The following SREBF2 variants were observed in gnomAD, a reference collection of about 807,000 sequenced individuals.
SREBF2 encodes the protein sterol regulatory element-binding protein 2.
Under a neutral mutation model 113.1 loss-of-function variants are expected in SREBF2, and 55 were observed. That is an observed-to-expected ratio of 0.49 (90% CI 0.39 to 0.61). The LOEUF (loss-of-function observed/expected upper bound fraction) is 0.61. Ranked by LOEUF, SREBF2 falls within the 20% of genes least tolerant of loss-of-function variation. The pLI, the probability that SREBF2 is intolerant of heterozygous loss-of-function variation, is 0.00. For missense variants in SREBF2, 1,349 were observed against 1,487.4 expected (o/e 0.91, Z 1.53); for synonymous variants, 593 against 605.7 (o/e 0.98, Z 0.31).
intron 5 of SREBF2, among the ~76,000 whole-genome samples, chr22:41,875,004 T>G: frequency 1.3e-5 from 2 of 152,238 alleles, no homozygotes; most frequent in East Asian, 3.8e-4. Context: ...AGGATTATTA[T>G]AAGAAGTGGG....
intron 11 of SREBF2, among the ~76,000 whole-genome samples, chr22:41,886,527 CATTTT>C (rs2077300566): frequency 6.6e-6 from 1 of 152,184 alleles, no homozygotes; most frequent in South Asian, 2.1e-4. Flanking sequence ...AAAATGCCCA[CATTTT>C]AACTTACGGC....
chr22:41,866,741 C>A, intron 1 of SREBF2, 90 bp from the exon 2 acceptor site: 1 of 1,451,188 alleles, frequency 6.9e-7, no homozygotes, highest in South Asian at 1.1e-5. Context: ...TTAGGAAAGT[C>A]ATTGAGTTTT....
intron 1 of SREBF2, among the ~76,000 whole-genome samples, chr22:41,835,609 C>G (rs551949921): frequency 6.6e-6 from 1 of 150,966 alleles, no homozygotes; most frequent in Non-Finnish European, 1.5e-5. Context: ...TGTACCTGGC[C>G]GAGCCACCGT....
At chr22:41,857,997 A>G (rs919590727) in intron 1 of SREBF2, among the ~76,000 whole-genome samples, 4 of 152,190 alleles carry the variant, frequency 2.6e-5, no homozygotes, top group African/African-American at 7.2e-5. Flanking sequence ...AGTAGAATGG[A>G]GAAATGGTTA....
chr22:41,901,489 C>T (rs1160127334), intron 16 of SREBF2, among the ~76,000 whole-genome samples: 3 of 152,158 alleles, frequency 2.0e-5, no homozygotes, highest in Admixed American at 6.5e-5. Flanking sequence ...GGTGAAACCC[C>T]GTTTGTACTA....
chr22:41,840,087 T>C (rs181476555), intron 1 of SREBF2, among the ~76,000 whole-genome samples: 79 of 151,590 alleles, frequency 5.2e-4, no homozygotes, highest in African/African-American at 1.8e-3. Flanking sequence ...GCCTCCCAAG[T>C]AGCTGGGATT....
rs375617199 is a variant in SREBF2, at chr22:41,878,117, C to T, written c.1755C>T (p.Leu585=). Residue 585 remains leucine (L), a synonymous_variant, in exon 9 of 19, where the codon CTC becomes CTT. Transcript: ENST00000361204. ...WRHRKQADLD[L]ARGDFAAAAG... ...ACCGGAAACAGGCAGATCTGGATCT[C>T]GCCAGAGTGAGTTCTGTGTCCGCCC... is the stretch of plus-strand genomic sequence containing the variant. The T allele has an allele frequency of 1.5e-5, 24 of 1,614,018 alleles. No homozygotes were observed. The South Asian group carries it at 2.2e-4, about 15-fold the overall frequency.
At chr22:41,852,728 ATTTTTTTTTTTTT>A (rs544824099) in intron 1 of SREBF2, among the ~76,000 whole-genome samples, 94 of 40,410 alleles carry the variant, frequency 2.3e-3, no homozygotes, top group African/African-American at 7.3e-3. Flanking sequence ...TCTCAGAATG[ATTTTTTTTTTTTT>A]TTTTTTTTTT....
chr22:41,834,236 C>T (rs1426006194), intron 1 of SREBF2, among the ~76,000 whole-genome samples: 4 of 151,986 alleles, frequency 2.6e-5, no homozygotes, highest in Non-Finnish European at 5.9e-5. Context: ...TTTTTTATAC[C>T]CCTCCTTTCA....
At chr22:41,900,903 T>G (rs568715866) in intron 16 of SREBF2, 11 of 530,560 alleles carry the variant, frequency 2.1e-5, no homozygotes, top group Non-Finnish European at 3.8e-5. Context: ...AAGACCACCC[T>G]GGGCACCTCC....
At chr22:41,851,085 A>G (rs1408725502) in intron 1 of SREBF2, among the ~76,000 whole-genome samples, 1 of 152,158 alleles carries the variant, frequency 6.6e-6, no homozygotes, top group African/African-American at 2.4e-5. Flanking sequence ...CTCAGGGTTG[A>G]TATAACGTAC....
In SREBF2 at chr22:41,844,688, G is replaced by C. The variant is rs2076861312; in HGVS notation, c.88+11330G>C. Among the ~76,000 whole-genome samples the C allele has an allele frequency of 4.6e-5, 7 of 152,160 alleles. No homozygotes were observed. In the South Asian group the frequency reaches 1.2e-3, roughly 27 times the overall value. ...CTCCTCCACGTGGCCCTGTGGAACA[G>C]GTCTGTTGGGTTCAGGATCTAGTTT... is the stretch of plus-strand genomic sequence containing the variant. On this transcript the variant is annotated intron_variant, in intron 1 of 18. Coordinates refer to ENST00000361204, the MANE Select transcript of SREBF2 (RefSeq NM_004599.4).
chr22:41,864,080 T>C (rs1010614821), intron 1 of SREBF2, among the ~76,000 whole-genome samples: 29 of 150,086 alleles, frequency 1.9e-4, no homozygotes, highest in Non-Finnish European at 4.1e-4. Context: ...GTTTTCACCA[T>C]GTTTGTCAGG....
chr22:41,902,543 G>A (rs1471512668), intron 16 of SREBF2, among the ~76,000 whole-genome samples: 2 of 152,020 alleles, frequency 1.3e-5, no homozygotes, highest in East Asian at 1.9e-4. Flanking sequence ...CAGCCCCATC[G>A]ACAGGCTCTG....
chr22:41,838,050 A>G (rs2076795814), intron 1 of SREBF2, among the ~76,000 whole-genome samples: 1 of 151,966 alleles, frequency 6.6e-6, no homozygotes, highest in Non-Finnish European at 1.5e-5. Flanking sequence ...CTACCATTTC[A>G]TTTTGTGTTA....
At chr22:41,874,513 T>G (rs1164467052) in intron 5 of SREBF2, among the ~76,000 whole-genome samples, 2 of 152,264 alleles carry the variant, frequency 1.3e-5, no homozygotes, top group Admixed American at 1.3e-4. Context: ...ATTTTATTTT[T>G]AAAACCTATC....
intron 1 of SREBF2, among the ~76,000 whole-genome samples, chr22:41,850,401 A>G (rs567008063): frequency 1.3e-5 from 2 of 151,660 alleles, no homozygotes; most frequent in South Asian, 4.2e-4. Flanking sequence ...CAGTGAGCCG[A>G]GATGGTGCCA....
rs745947547 is a variant in SREBF2 at position 41,894,893 on chromosome 22, AC to A, written c.2453del (p.Pro818LeufsTer24). On this transcript the variant is annotated frameshift_variant, in exon 13 of 19. Transcript: ENST00000361204. LOFTEE classifies it high-confidence loss of function. Reference sequence around the variant, plus strand: ...AGCGAGCTATAGAGTCCTTGGTGAAACCTCAGGCCAAGAAGAAGGCTGGAGA... The same window carrying A: ...AGCGAGCTATAGAGTCCTTGGTGAAACTCAGGCCAAGAAGAAGGCTGGAGA... ...LERAIESLVK[P>X]QAKKKAGDQE... 1 of 1,613,926 alleles carries A rather than the reference AC, an allele frequency of 6.2e-7. No individual in the cohort carries two copies. Among genetic ancestry groups the A allele is most frequent in the Non-Finnish European group, 8.5e-7 (1 of 1,179,994 alleles).
chr22:41,864,251 TATATATATATACACAC>T (rs1225633432), intron 1 of SREBF2, among the ~76,000 whole-genome samples: 3 of 94,830 alleles, frequency 3.2e-5, no homozygotes, highest in African/African-American at 8.4e-5. Context: ...TATATATATA[TATATATATATACACAC>T]ACACACACAC....
Sources: gnomAD v4.1 joint callset for allele counts (sites outside exome capture counted in the v4.1 genomes callset) on GRCh38, gnomAD v4.1.1 for gene constraint, MANE v1.5 for transcripts, NCBI Gene and HGNC (gene_info 2026-07-23, HGNC 2026-07-21) for gene names.